The following EREG variants were observed in gnomAD, a reference collection of about 807,000 sequenced individuals.
EREG encodes proepiregulin.
A neutral mutation model predicts 22.4 loss-of-function variants in EREG; 23 were observed. The observed-to-expected ratio is 1.03, with a 90% CI of 0.74 to 1.46. The LOEUF is 1.46. Among genes scored for constraint, EREG ranks in the 40% most tolerant of loss-of-function variants. The pLI, the probability that EREG is intolerant of heterozygous loss-of-function variation, is 0.00. For missense variants in EREG, 226 were observed against 205.9 expected, an observed-to-expected ratio of 1.10 and a Z score of -0.60; for synonymous variants, 100 against 75.4, an observed-to-expected ratio of 1.33 and a Z score of -1.69.
chr4:74,378,332 C>T (rs1752416949), intron 1 of EREG, among the ~76,000 whole-genome samples: 1 of 152,120 alleles, frequency 6.6e-6, no homozygotes, highest in South Asian at 2.1e-4. Context: ...ACGAAAATGT[C>T]CAACCGACTA....
At chr4:74,379,322 T>C in intron 1 of EREG, 126 bp from the exon 2 acceptor site, 1 of 596,880 alleles carries the variant, frequency 1.7e-6, no homozygotes, top group South Asian at 2.4e-5. Context: ...TATTTTGTTT[T>C]ATGGTTTTGA....
Position 74,384,760 on chromosome 4 carries a change from G to A in EREG, c.462G>A (p.Lys154=), listed in dbSNP as rs1401031368. Residue 154 remains lysine (K), a synonymous_variant, in exon 5 of 5, where the codon AAG becomes AAA. Transcript: ENST00000244869. ...ATCGAAAAAGTAAAGAACCAAAGAA[G>A]GAATATGAGAGAGTTACCTCAGGGG... ...YRNRKSKEPK[K]EYERVTSGDP... 1.2e-6 allele frequency: 2 copies of A among 1,613,058 alleles called. No individual in the cohort carries two copies. Among genetic ancestry groups the A allele is most frequent in the Non-Finnish European group, 1.7e-6 (2 of 1,179,288 alleles).
chr4:74,365,423 T>A, intron 1 of EREG, 48 bp downstream of exon 1: 2 of 1,542,946 alleles, frequency 1.3e-6, no homozygotes, highest in Non-Finnish European at 1.8e-6. Context: ...AGGAGACAAA[T>A]AAGGAAGGCT....
At chr4:74,365,801 G>T (rs1024712323) in intron 1 of EREG, among the ~76,000 whole-genome samples, 35 of 151,918 alleles carry the variant, frequency 2.3e-4, no homozygotes, top group Admixed American at 2.0e-3. Flanking sequence ...TTGGAGGGGG[G>T]AAAAAGCTTT....
intron 1 of EREG, among the ~76,000 whole-genome samples, chr4:74,371,924 G>A (rs1752297406): frequency 6.6e-6 from 1 of 151,106 alleles, no homozygotes. Context: ...ACCACCCTTA[G>A]GTGTCCAACT....
intron 1 of EREG, among the ~76,000 whole-genome samples, chr4:74,371,100 A>G (rs574654134): frequency 3.3e-5 from 5 of 152,220 alleles, no homozygotes; most frequent in Non-Finnish European, 7.4e-5. Context: ...TATGGTAGCA[A>G]TGGTCCCCAG....
At position 74,387,613 on chromosome 4, in the gene EREG, T is replaced by A. The variant is rs1452363292; in HGVS notation, c.*2805T>A. 2 of 152,234 alleles carry A rather than the reference T, an allele frequency of 1.3e-5. No homozygotes were observed. Among genetic ancestry groups the A allele is most frequent in the Non-Finnish European group, 2.9e-5 (2 of 68,036 alleles). 9.4% of individuals were successfully genotyped at this position (152,234 alleles called of 1,614,324 possible). A position where few individuals can be genotyped will look rare whatever the true frequency, so the allele number is the denominator to read the frequency against. On this transcript the variant is annotated 3_prime_UTR_variant, in exon 5 of 5. Transcript: ENST00000244869. Reference sequence around the variant, plus strand: ...ATAATAGTTTTAGTGAGGATGGTGCTGAGTAAACATAAAAACTGATTTGCT... The same window carrying A: ...ATAATAGTTTTAGTGAGGATGGTGCAGAGTAAACATAAAAACTGATTTGCT...
At chr4:74,379,028 T>C (rs1318353364) in intron 1 of EREG, among the ~76,000 whole-genome samples, 1 of 152,234 alleles carries the variant, frequency 6.6e-6, no homozygotes, top group Non-Finnish European at 1.5e-5. Context: ...AGTTTCTTGT[T>C]GTTACTGTAA....
At chr4:74,382,203 G>A (rs532626322) in intron 3 of EREG, among the ~76,000 whole-genome samples, 1 of 152,150 alleles carries the variant, frequency 6.6e-6, no homozygotes, top group Admixed American at 6.5e-5. Flanking sequence ...AGGAGGCTGA[G>A]ATAGGAGAAT....
intron 1 of EREG, among the ~76,000 whole-genome samples, chr4:74,367,088 G>A (rs1441975921): frequency 2.6e-5 from 4 of 152,106 alleles, no homozygotes; most frequent in South Asian, 2.1e-4. Context: ...AAAAAAGAGC[G>A]AGACATTTAT....
chr4:74,365,490 A>C, intron 1 of EREG, 115 bp downstream of exon 1: 1 of 510,500 alleles, frequency 2.0e-6, no homozygotes, highest in Non-Finnish European at 2.9e-6. Flanking sequence ...AGTGTGCTCT[A>C]TTTAAAATTA....
intron 1 of EREG, among the ~76,000 whole-genome samples, chr4:74,369,940 T>C (rs57346142): frequency 0.075 from 11,425 of 151,950 alleles, 753 homozygotes; most frequent in African/African-American, 0.17. Context: ...ATCATAAAAA[T>C]GGTTTCTTAC....
At position 74,365,352 on chromosome 4, in the gene EREG, T is replaced by C. The variant is rs552596559; in HGVS notation, c.44T>C (p.Val15Ala). Reference protein sequence around the residue: ...RRMEMLCAGRVPALLLCLGFH... With the variant: ...RRMEMLCAGRAPALLLCLGFH... Reference sequence around the variant, plus strand: ...ATGGAGATGCTCTGTGCCGGCAGGGTCCCTGCGCTGCTGCTCTGCCTGGGT... The same window carrying C: ...ATGGAGATGCTCTGTGCCGGCAGGGCCCCTGCGCTGCTGCTCTGCCTGGGT... The change falls in exon 1 of 5, where the codon GTC becomes GCC. Residue 15 changes from valine (V) to alanine (A), a missense_variant. Val to Ala is a moderately conservative substitution (Grantham distance 64). Transcript: ENST00000244869. 3 of 1,610,420 alleles carry C rather than the reference T, an allele frequency of 1.9e-6. No homozygotes were observed. In the African/African-American group the frequency reaches 4.0e-5, roughly 21 times the overall value.
intron 1 of EREG, among the ~76,000 whole-genome samples, chr4:74,367,156 G>T (rs939063759): frequency 1.3e-4 from 20 of 152,182 alleles, no homozygotes; most frequent in Admixed American, 1.1e-3. Context: ...AGGGAATAAA[G>T]TTCCAGCCTC....
At position 74,382,891 on chromosome 4, in the gene EREG, A is replaced by G. The variant is rs940160091; in HGVS notation, c.428+97A>G. The stretch of plus-strand genomic sequence containing the variant: ...AAAATATGGATAAAGTATTAGAGAG[A>G]TAAGATCAAACCTGTACAAATGATA... On this transcript the variant is annotated intron_variant, in intron 4 of 4. Coordinates refer to ENST00000244869, the MANE Select transcript of EREG (RefSeq NM_001432.3). The G allele has an allele frequency of 3.4e-5, 30 of 882,652 alleles. No individual in the cohort carries two copies. The African/African-American group carries it at 4.8e-4, about 14-fold the overall frequency. 54.7% of individuals were successfully genotyped at this position (882,652 alleles called of 1,614,324 possible).
intron 4 of EREG, among the ~76,000 whole-genome samples, chr4:74,383,819 G>A (rs1553930693): frequency 6.6e-6 from 1 of 152,242 alleles, no homozygotes; most frequent in South Asian, 2.1e-4. Flanking sequence ...TGCCATGACA[G>A]AACTAAATAT....
chr4:74,376,467 G>A (rs1175141021), intron 1 of EREG, among the ~76,000 whole-genome samples: 1 of 152,216 alleles, frequency 6.6e-6, no homozygotes, highest in Non-Finnish European at 1.5e-5. Context: ...AGTAGTGAAA[G>A]TATGGTGAAA....
intron 1 of EREG, among the ~76,000 whole-genome samples, chr4:74,368,043 T>C (rs939502932): frequency 6.6e-6 from 1 of 152,134 alleles, no homozygotes; most frequent in Admixed American, 6.5e-5. Flanking sequence ...GACTCAGAGA[T>C]AGTAAATGGC....
intron 1 of EREG, among the ~76,000 whole-genome samples, chr4:74,368,132 A>G (rs1284636860): frequency 6.6e-6 from 1 of 152,190 alleles, no homozygotes; most frequent in Non-Finnish European, 1.5e-5. Flanking sequence ...GCAGATTCTA[A>G]TAGAGAAGTT....
Sources: gnomAD v4.1 joint callset for allele counts (sites outside exome capture counted in the v4.1 genomes callset) on GRCh38, gnomAD v4.1.1 for gene constraint, MANE v1.5 for transcripts, NCBI Gene and HGNC (gene_info 2026-07-23, HGNC 2026-07-21) for gene names.